UBE4B: variants seen among roughly 807,000 people sequenced by gnomAD.
UBE4B encodes the protein ubiquitination factor E4B.
A neutral mutation model predicts 148.1 loss-of-function variants in UBE4B; 27 were observed. The observed-to-expected ratio is 0.18, with a 90% CI of 0.13 to 0.25. The LOEUF (loss-of-function observed/expected upper bound fraction) is 0.25, where lower values mean the gene tolerates loss of function less well. UBE4B is among the 10% of genes least tolerant of loss of function. The pLI is 1.00. For synonymous variants in UBE4B, 596 were observed against 619.3 expected (o/e 0.96, Z 0.56); for missense variants, 1,170 against 1,662.4 (o/e 0.70, Z 5.15).
At chr1:10,126,621 T>C (rs1408201336) in intron 10 of UBE4B, among the ~76,000 whole-genome samples, 173 bp from the exon 11 acceptor site, 1 of 152,232 alleles carries the variant, frequency 6.6e-6, no homozygotes, top group Non-Finnish European at 1.5e-5. Flanking sequence ...TGGTTAGACT[T>C]GTCAAAGAAC....
At chr1:10,170,303 CAG>C (rs1646320374) in intron 24 of UBE4B, among the ~76,000 whole-genome samples, 1 of 152,158 alleles carries the variant, frequency 6.6e-6, no homozygotes, top group Non-Finnish European at 1.5e-5. Flanking sequence ...AGCTTCTCAA[CAG>C]TGAAATACAG....
At chr1:10,116,333 G>C (rs1011824936) in intron 7 of UBE4B, among the ~76,000 whole-genome samples, 3 of 152,066 alleles carry the variant, frequency 2.0e-5, no homozygotes, top group African/African-American at 7.2e-5. Flanking sequence ...AGTAGAAACA[G>C]GGTTTCGCCC....
At chr1:10,147,787 A>G (rs1645898935) in intron 19 of UBE4B, among the ~76,000 whole-genome samples, 1 of 152,192 alleles carries the variant, frequency 6.6e-6, no homozygotes, top group Admixed American at 6.5e-5. Context: ...ATTGTTGATC[A>G]CTTTGTCATC....
chr1:10,115,159 C>T (rs1645286813), intron 7 of UBE4B, among the ~76,000 whole-genome samples: 1 of 150,312 alleles, frequency 6.7e-6, no homozygotes, highest in South Asian at 2.1e-4. Flanking sequence ...TACTTTAATA[C>T]CATACTTTTT....
chr1:10,113,231 CT>C (rs765028845), intron 7 of UBE4B, among the ~76,000 whole-genome samples: 3 of 152,140 alleles, frequency 2.0e-5, no homozygotes, highest in Admixed American at 6.6e-5. Flanking sequence ...GTCCCAGACT[CT>C]TTTAAACAAC....
At chr1:10,047,690 C>T (rs952995641) in intron 1 of UBE4B, among the ~76,000 whole-genome samples, 4 of 151,826 alleles carry the variant, frequency 2.6e-5, no homozygotes, top group African/African-American at 9.7e-5. Flanking sequence ...GATGGGGTTT[C>T]ACCACGTTAG....
chr1:10,166,971 A>ACACAC (rs376136541), intron 23 of UBE4B, among the ~76,000 whole-genome samples: 5,642 of 111,670 alleles, frequency 0.051, 283 homozygotes, highest in East Asian at 0.19. Context: ...ACACACACAC[A>ACACAC]AAAAAAAAAA....
chr1:10,134,610 T>C (rs79224536), intron 15 of UBE4B, among the ~76,000 whole-genome samples: 1,719 of 152,294 alleles, frequency 0.011, 29 homozygotes, highest in African/African-American at 0.039. Context: ...CCTGCTAATA[T>C]AGAATTAATG....
In UBE4B at chr1:10,168,384, T is replaced by G; in HGVS notation, c.3333+114T>G. The G allele has an allele frequency of 6.9e-7, 1 of 1,441,060 alleles. No homozygotes were observed. Among genetic ancestry groups the G allele is most frequent in the Non-Finnish European group, 9.3e-7 (1 of 1,077,814 alleles). 89.3% of individuals were successfully genotyped at this position (1,441,060 alleles called of 1,614,324 possible). A position where few individuals can be genotyped will look rare whatever the true frequency, so the allele number is the denominator to read the frequency against. ...GAAATTTTAGGATCACAGTCATCAA[T>G]AAGTGAAATTCTGTGACTGATTTTG... is the stretch of plus-strand genomic sequence containing the variant. On this transcript the variant is annotated intron_variant, in intron 24 of 27. Transcript: ENST00000343090. The surrounding 1 kb of genome is among the most constrained non-coding windows in gnomAD (Gnocchi z 4.9).
At chr1:10,121,307 A>G (rs1450730320) in intron 9 of UBE4B, among the ~76,000 whole-genome samples, 4 of 152,140 alleles carry the variant, frequency 2.6e-5, no homozygotes, top group African/African-American at 9.7e-5. Flanking sequence ...GTGAGCCGAA[A>G]TTGCGCCACC....
At chr1:10,109,171 G>T (rs1027308923) in intron 7 of UBE4B, among the ~76,000 whole-genome samples, 1 of 151,832 alleles carries the variant, frequency 6.6e-6, no homozygotes, top group Non-Finnish European at 1.5e-5. Flanking sequence ...TTTACTCCTC[G>T]CTGTAGCCTG....
At chr1:10,080,200 T>A (rs986721982) in intron 2 of UBE4B, among the ~76,000 whole-genome samples, 1 of 151,984 alleles carries the variant, frequency 6.6e-6, no homozygotes, top group Non-Finnish European at 1.5e-5. Flanking sequence ...GATGGAGGGA[T>A]CATGAGGTCA....
chr1:10,106,235 GGA>G lies in UBE4B; in HGVS notation c.850_851del (p.Ser284LeufsTer75). ...AGTCCGGCTCCCACTCCCAGTTTCT[GGA>G]GCTCTGTTCCCGTGATGGGCCCGTC... On this transcript the variant is annotated frameshift_variant, in exon 7 of 28. Transcript: ENST00000343090. LOFTEE classifies it high-confidence loss of function. The surrounding 1 kb of genome is among the most constrained non-coding windows in gnomAD (Gnocchi z 4.2). 1 of 1,611,668 alleles carries G rather than the reference GGA, an allele frequency of 6.2e-7. No individual in the cohort carries two copies. Among genetic ancestry groups the G allele is most frequent in the Non-Finnish European group, 8.5e-7 (1 of 1,178,178 alleles).
chr1:10,113,381 A>G (rs531828134), intron 7 of UBE4B, among the ~76,000 whole-genome samples: 7 of 152,214 alleles, frequency 4.6e-5, no homozygotes, highest in African/African-American at 9.6e-5. Context: ...CTGCATTTCA[A>G]TGTGAGATTT....
intron 3 of UBE4B, chr1:10,100,899 GA>G (rs1306232556): frequency 3.8e-6 from 2 of 529,232 alleles, no homozygotes; most frequent in African/African-American, 3.9e-5. Context: ...GACAACTTAG[GA>G]AAAATATTTC....
intron 2 of UBE4B, among the ~76,000 whole-genome samples, chr1:10,084,759 G>A (rs1411393117): frequency 6.7e-6 from 1 of 149,536 alleles, no homozygotes; most frequent in Non-Finnish European, 1.5e-5. Context: ...GTGCAGTGGT[G>A]CGATCTTGGC....
At chr1:10,086,075 C>G (rs1208438164) in intron 2 of UBE4B, among the ~76,000 whole-genome samples, 3 of 151,972 alleles carry the variant, frequency 2.0e-5, no homozygotes, top group Non-Finnish European at 4.4e-5. Context: ...TGGTTCACGC[C>G]ATTCTCCTGC....
chr1:10,160,391 T>C (rs1427083926), intron 22 of UBE4B, among the ~76,000 whole-genome samples: 2 of 152,184 alleles, frequency 1.3e-5, no homozygotes, highest in African/African-American at 4.8e-5. Context: ...CCTGTTCTAG[T>C]CTGGAAGAAG....
At chr1:10,169,840 C>T (rs577735573) in intron 24 of UBE4B, among the ~76,000 whole-genome samples, 4 of 152,252 alleles carry the variant, frequency 2.6e-5, no homozygotes, top group South Asian at 4.1e-4. Context: ...CATGGCGAAA[C>T]CCCGTCTCTA....
Sources: gnomAD v4.1 joint callset for allele counts (sites outside exome capture counted in the v4.1 genomes callset) on GRCh38, gnomAD v4.1.1 for gene constraint, Gnocchi (gnomAD v3.1) non-coding constraint, MANE v1.5 for transcripts, NCBI Gene and HGNC (gene_info 2026-07-23, HGNC 2026-07-21) for gene names.